The following BMP7 variants were observed in gnomAD, a reference collection of about 807,000 sequenced individuals.
The protein encoded by BMP7 is bone morphogenetic protein 7.
A neutral mutation model predicts 41.2 loss-of-function variants in BMP7; 12 were observed. The ratio of observed to expected loss-of-function variants is 0.29; its 90% CI spans 0.19 to 0.47. BMP7 has a LOEUF of 0.47. Among genes scored for constraint, BMP7 ranks in the 20% least tolerant of loss-of-function variants. The pLI is 0.99. For synonymous variants in BMP7, 248 were observed against 250.0 expected, an observed-to-expected ratio of 0.99 and a Z score of 0.07; for missense variants, 467 against 606.0, an observed-to-expected ratio of 0.77 and a Z score of 2.41.
chr20:57,247,237 C>T (rs574638428), intron 1 of BMP7, among the ~76,000 whole-genome samples: 32 of 152,302 alleles, frequency 2.1e-4, no homozygotes, highest in Admixed American at 7.2e-4. Flanking sequence ...AAGAGCCTCC[C>T]CCCAACAATT....
At chr20:57,230,353 G>T (rs2066024382) in intron 1 of BMP7, among the ~76,000 whole-genome samples, 1 of 152,130 alleles carries the variant, frequency 6.6e-6, no homozygotes, top group Admixed American at 6.5e-5. Flanking sequence ...CTCGGGAGGT[G>T]ACCCCAGGTG....
intron 2 of BMP7, among the ~76,000 whole-genome samples, chr20:57,217,301 G>A (rs1003012322): frequency 6.6e-6 from 1 of 152,182 alleles, no homozygotes; most frequent in Non-Finnish European, 1.5e-5. Flanking sequence ...CACCTCAAGT[G>A]CCATCTTTAA....
chr20:57,257,257 C>T (rs2066137493), intron 1 of BMP7, among the ~76,000 whole-genome samples: 1 of 152,128 alleles, frequency 6.6e-6, no homozygotes, highest in African/African-American at 2.4e-5. Context: ...GAAGGGTCAT[C>T]GAAATTTGGG....
chr20:57,193,331 G>A (rs1046176232), intron 3 of BMP7, among the ~76,000 whole-genome samples: 4 of 152,136 alleles, frequency 2.6e-5, no homozygotes, highest in Admixed American at 6.5e-5. Context: ...TTTGGTTGTC[G>A]TAACTGAGCA....
rs1984147830 is a variant in BMP7 at position 57,183,872 on chromosome 20, G to T, written c.808C>A (p.Pro270Thr). ...ACCATGAAGGGCTGCTTGTTCTGGG[G>T]CCCGTGCCGCCCAATCAGGCCCGCC... is the stretch of plus-strand genomic sequence containing the variant. ...KLAGLIGRHG[P>T]QNKQPFMVAF... The change falls in exon 4 of 7, where the codon CCC (proline) becomes ACC (threonine). Residue 270 changes from proline to threonine, a missense_variant. Around this residue, in one of 2 missense-constraint regions of BMP7, gnomAD observed 407 missense variants for 485.9 expected, o/e 0.84. Coordinates refer to ENST00000395863, the MANE Select transcript of BMP7 (RefSeq NM_001719.3). The T allele has an allele frequency of 2.5e-6, 4 of 1,614,132 alleles. No individual in the cohort carries two copies. In the Middle Eastern group the frequency reaches 4.9e-4, roughly 200 times the overall value.
At chr20:57,189,811 G>A (rs1313205710) in intron 3 of BMP7, among the ~76,000 whole-genome samples, 1 of 152,234 alleles carries the variant, frequency 6.6e-6, no homozygotes, top group Admixed American at 6.5e-5. Context: ...TGTGCCAGGG[G>A]CTGGGGCACA....
chr20:57,234,587 C>A (rs2066040745), intron 1 of BMP7, among the ~76,000 whole-genome samples: 1 of 152,154 alleles, frequency 6.6e-6, no homozygotes, highest in Non-Finnish European at 1.5e-5. Context: ...CAGTTCTGAG[C>A]AAAACACACA....
chr20:57,212,432 G>C (rs6127971), intron 2 of BMP7, among the ~76,000 whole-genome samples: 95,547 of 151,962 alleles, frequency 0.63, 30,396 homozygotes, highest in African/African-American at 0.69. Flanking sequence ...CAGGAGTGGA[G>C]ATGACGGGCT....
intron 1 of BMP7, among the ~76,000 whole-genome samples, chr20:57,254,017 C>CTTTTTTTTTTTTTTTTTTTTTTTTTT (rs35180643): frequency 1.4e-5 from 1 of 71,532 alleles, no homozygotes; most frequent in African/African-American, 6.2e-5. Context: ...GGTTTCTTTC[C>CTTTTTTTTTTTTTTTTTTTTTTTTTT]TTTTTTTTTT....
intron 4 of BMP7, 64 bp downstream of exon 4, chr20:57,183,657 CG>C: frequency 6.2e-7 from 1 of 1,600,238 alleles, no homozygotes; most frequent in Non-Finnish European, 8.5e-7. Flanking sequence ...AGTCTCCTGC[CG>C]GGTCCCGCCG....
In BMP7 at chr20:57,265,892, G is replaced by C; in HGVS notation, c.231C>G (p.Asn77Lys). The change falls in exon 1 of 7, where the codon AAC becomes AAG. Residue 77 changes from asparagine (N) to lysine (K), a missense_variant. Around this residue, in one of 2 missense-constraint regions of BMP7, gnomAD observed 407 missense variants for 485.9 expected, o/e 0.84. Coordinates refer to ENST00000395863, the MANE Select transcript of BMP7 (RefSeq NM_001719.3). ...RPRPHLQGKHNSAPMFMLDLY... is the reference protein window; with the variant it reads ...RPRPHLQGKHKSAPMFMLDLY... ...GGTCCAGCATGAACATGGGTGCCGA[G>C]TTGTGCTTGCCCTGGAGGTGCGGGC... is the stretch of plus-strand genomic sequence containing the variant. 6.3e-7 allele frequency: 1 copy of C among 1,598,450 alleles called. No individual in the cohort carries two copies. Among genetic ancestry groups the C allele is most frequent in the Non-Finnish European group, 8.5e-7 (1 of 1,172,586 alleles).
At chr20:57,173,520 A>G (rs1983856693) in intron 5 of BMP7, 1 of 640,600 alleles carries the variant, frequency 1.6e-6, no homozygotes, top group Non-Finnish European at 2.8e-6. Flanking sequence ...GGACCACTCT[A>G]TAGTCTTGGC....
At chr20:57,237,719 G>C (rs2066053134) in intron 1 of BMP7, among the ~76,000 whole-genome samples, 1 of 152,206 alleles carries the variant, frequency 6.6e-6, no homozygotes, top group South Asian at 2.1e-4. Context: ...TCTATGCCCA[G>C]AGAAACAGAA....
intron 1 of BMP7, among the ~76,000 whole-genome samples, chr20:57,249,092 C>T (rs568505985): frequency 5.3e-5 from 8 of 152,176 alleles, no homozygotes; most frequent in South Asian, 2.1e-4. Flanking sequence ...TGAGCCACCA[C>T]GCCCGGCTGA....
chr20:57,201,910 C>A (rs900696746), intron 3 of BMP7, among the ~76,000 whole-genome samples: 8 of 152,224 alleles, frequency 5.3e-5, no homozygotes, highest in Non-Finnish European at 1.2e-4. Context: ...TCTCCAGGAA[C>A]TGGAGAGTCA....
At chr20:57,205,518 A>C (rs1220638197) in intron 2 of BMP7, among the ~76,000 whole-genome samples, 1 of 152,236 alleles carries the variant, frequency 6.6e-6, no homozygotes, top group Non-Finnish European at 1.5e-5. Context: ...TGAGACAAGA[A>C]GCACCACTCC....
intron 1 of BMP7, among the ~76,000 whole-genome samples, chr20:57,247,726 G>C (rs1015512562): frequency 6.6e-6 from 1 of 152,140 alleles, no homozygotes; most frequent in South Asian, 2.1e-4. Context: ...AACAAACACT[G>C]ACACAGATTC....
At chr20:57,197,901 G>A (rs1375331893) in intron 3 of BMP7, among the ~76,000 whole-genome samples, 1 of 152,214 alleles carries the variant, frequency 6.6e-6, no homozygotes, top group Non-Finnish European at 1.5e-5. Context: ...GAGTATGAGT[G>A]TGCAGGGGTT....
intron 1 of BMP7, among the ~76,000 whole-genome samples, chr20:57,236,057 C>T (rs2066046335): frequency 6.6e-6 from 1 of 152,180 alleles, no homozygotes; most frequent in African/African-American, 2.4e-5. Flanking sequence ...GTAGGCATCA[C>T]TAAACAATGG....
Sources: gnomAD v4.1 joint callset for allele counts (sites outside exome capture counted in the v4.1 genomes callset) on GRCh38, gnomAD v4.1.1 for gene constraint, gnomAD v4.1.1 regional missense constraint, MANE v1.5 for transcripts, NCBI Gene and HGNC (gene_info 2026-07-23, HGNC 2026-07-21) for gene names.